Variants in FSIP1 observed in about 807,000 individuals in gnomAD.
FSIP1 encodes fibrous sheath interacting protein 1, also known as fibrous sheath-interacting protein 1.
Under a neutral mutation model 60.9 loss-of-function variants are expected in FSIP1, and 65 were observed. The ratio of observed to expected loss-of-function variants is 1.07; its 90% CI spans 0.87 to 1.31. The LOEUF (loss-of-function observed/expected upper bound fraction) is 1.31. FSIP1 is among the 40% of genes most tolerant of loss of function. FSIP1 has a pLI of 0.00. For synonymous variants in FSIP1, 209 were observed against 221.2 expected, an observed-to-expected ratio of 0.94 and a Z score of 0.49; for missense variants, 675 against 665.5, an observed-to-expected ratio of 1.01 and a Z score of -0.16.
chr15:39,740,400 A>T (rs1331283388), intron 6 of FSIP1, among the ~76,000 whole-genome samples: 2 of 152,234 alleles, frequency 1.3e-5, no homozygotes. Context: ...TGCTCAAAAT[A>T]AGAATAAGAA....
intron 10 of FSIP1, among the ~76,000 whole-genome samples, chr15:39,669,879 A>G (rs1038250488): frequency 6.6e-6 from 1 of 152,218 alleles, no homozygotes; most frequent in African/African-American, 2.4e-5. Flanking sequence ...CCAACAAGGG[A>G]TATTAGGCCC....
In FSIP1 at chr15:39,722,604, G is replaced by C. The variant is rs114302391; in HGVS notation, c.1050+3985C>G. ...CTCACTTATGGAAATAGACTTTCTG[G>C]ATACTCCTTGGATATGCTCTCTCTC... On this transcript the variant is annotated intron_variant, in intron 9 of 11. Coordinates refer to ENST00000350221, the MANE Select transcript of FSIP1 (RefSeq NM_152597.5). Among the ~76,000 whole-genome samples, 641 of 151,246 alleles carry C rather than the reference G, an allele frequency of 4.2e-3. 7 individuals are homozygous for C. Among genetic ancestry groups the C allele is most frequent in the African/African-American group, 0.015 (613 of 40,906 alleles).
intron 5 of FSIP1, among the ~76,000 whole-genome samples, chr15:39,752,222 G>T (rs1897184576): frequency 6.6e-6 from 1 of 151,904 alleles, no homozygotes. Flanking sequence ...TTTTCTTCTA[G>T]AATTTTTATA....
chr15:39,649,293 CAG>C (rs1892765952), intron 10 of FSIP1, among the ~76,000 whole-genome samples: 3 of 152,310 alleles, frequency 2.0e-5, no homozygotes, highest in East Asian at 3.9e-4. Flanking sequence ...TGTTTCCTGA[CAG>C]AGTAATTTAT....
chr15:39,732,017 A>T (rs1896422942), intron 8 of FSIP1, among the ~76,000 whole-genome samples: 1 of 152,178 alleles, frequency 6.6e-6, no homozygotes, highest in Non-Finnish European at 1.5e-5. Context: ...TATTCCATGG[A>T]CTGGGGGGAA....
At chr15:39,651,413 C>A (rs1025611058) in intron 10 of FSIP1, among the ~76,000 whole-genome samples, 1 of 152,160 alleles carries the variant, frequency 6.6e-6, no homozygotes, top group Non-Finnish European at 1.5e-5. Context: ...ATTCTTTTAA[C>A]CATCTGTAAA....
intron 4 of FSIP1, among the ~76,000 whole-genome samples, chr15:39,764,859 A>C (rs1897627347): frequency 6.6e-6 from 1 of 152,222 alleles, no homozygotes; most frequent in Non-Finnish European, 1.5e-5. Flanking sequence ...AGCTAACCAG[A>C]GGGTTAAACT....
chr15:39,689,409 G>C (rs1273480224), intron 10 of FSIP1, among the ~76,000 whole-genome samples: 1 of 152,040 alleles, frequency 6.6e-6, no homozygotes, highest in Non-Finnish European at 1.5e-5. Flanking sequence ...GGACATCTAG[G>C]GTGGACTGAA....
intron 10 of FSIP1, 88 bp downstream of exon 10, chr15:39,713,356 C>T (rs1895600777): frequency 1.6e-6 from 2 of 1,281,422 alleles, no homozygotes; most frequent in Non-Finnish European, 2.1e-6. Context: ...CACTTGAGCC[C>T]AGAAGTTCGA....
At chr15:39,667,246 CCAT>C (rs1893531975) in intron 10 of FSIP1, among the ~76,000 whole-genome samples, 1 of 151,748 alleles carries the variant, frequency 6.6e-6, no homozygotes, top group African/African-American at 2.4e-5. Flanking sequence ...ATCAAAAGTA[CCAT>C]GAGTTTTTTT....
chr15:39,753,504 T>A (rs1369190675), intron 5 of FSIP1, among the ~76,000 whole-genome samples: 3 of 152,140 alleles, frequency 2.0e-5, no homozygotes, highest in African/African-American at 7.2e-5. Flanking sequence ...CATTTAAATC[T>A]GGTACTAAAT....
At chr15:39,682,549 G>A (rs539406246) in intron 10 of FSIP1, among the ~76,000 whole-genome samples, 1 of 152,262 alleles carries the variant, frequency 6.6e-6, no homozygotes, top group African/African-American at 2.4e-5. Flanking sequence ...GGGGCTCCCC[G>A]GATGAGGGCT....
chr15:39,719,648 C>T (rs1387249411), intron 9 of FSIP1, among the ~76,000 whole-genome samples: 1 of 152,134 alleles, frequency 6.6e-6, no homozygotes, highest in Non-Finnish European at 1.5e-5. Context: ...CCTATGTTTT[C>T]GAGACAATGC....
chr15:39,751,605 A>G (rs1897166295), intron 5 of FSIP1, among the ~76,000 whole-genome samples: 1 of 151,920 alleles, frequency 6.6e-6, no homozygotes, highest in South Asian at 2.1e-4. Context: ...ATCCAAAAAA[A>G]AAAGTCAAAT....
chr15:39,717,631 T>A (rs1895791785), intron 9 of FSIP1, among the ~76,000 whole-genome samples: 1 of 152,154 alleles, frequency 6.6e-6, no homozygotes, highest in Admixed American at 6.5e-5. Flanking sequence ...CAAAACAATA[T>A]AGGTATAAAG....
chr15:39,698,732 A>G (rs1257818417), intron 10 of FSIP1, among the ~76,000 whole-genome samples: 1 of 152,192 alleles, frequency 6.6e-6, no homozygotes, highest in Non-Finnish European at 1.5e-5. Context: ...CGCTTCCCAC[A>G]GGGCAAACAC....
At chr15:39,628,529 C>T (rs1276318271) in intron 10 of FSIP1, among the ~76,000 whole-genome samples, 5 of 152,330 alleles carry the variant, frequency 3.3e-5, no homozygotes, top group Non-Finnish European at 4.4e-5. Context: ...GAGCCATGCA[C>T]ATGTGTGACA....
At chr15:39,713,337 T>C in intron 10 of FSIP1, 107 bp downstream of exon 10, 1 of 935,012 alleles carries the variant, frequency 1.1e-6, no homozygotes, top group African/African-American at 1.7e-5. Flanking sequence ...CAGGCTGAGG[T>C]GGGCAGGTCA....
intron 10 of FSIP1, among the ~76,000 whole-genome samples, chr15:39,674,522 T>C (rs943152533): frequency 1.3e-5 from 2 of 151,652 alleles, no homozygotes; most frequent in African/African-American, 4.9e-5. Flanking sequence ...GCTAAGACAA[T>C]CTAACTCTGG....
Sources: allele counts gnomAD v4.1 joint callset (sites outside exome capture counted in the v4.1 genomes callset), GRCh38; gene constraint gnomAD v4.1.1; transcripts MANE v1.5; gene names NCBI Gene and HGNC (gene_info 2026-07-23, HGNC 2026-07-21).